The following GOLPH3L variants were observed in gnomAD, a reference collection of about 807,000 sequenced individuals.
GOLPH3L encodes the protein golgi phosphoprotein 3 like.
Under a neutral mutation model 30.3 loss-of-function variants are expected in GOLPH3L, and 22 were observed. The ratio of observed to expected loss-of-function variants is 0.73; its 90% CI spans 0.52 to 1.04. GOLPH3L has a LOEUF of 1.04. Among genes scored for constraint, GOLPH3L ranks in the 50% least tolerant of loss-of-function variants. The probability of loss-of-function intolerance (pLI) is 0.00; values close to 1 mark genes in which losing one functional copy is unlikely to be tolerated. For missense variants in GOLPH3L, 303 were observed against 345.8 expected (o/e 0.88, Z 0.98); for synonymous variants, 120 against 128.2 (o/e 0.94, Z 0.43).
chr1:150,653,483 A>G lies in GOLPH3L; in HGVS notation c.431-4735T>C, dbSNP rs201326018. Among the ~76,000 whole-genome samples the G allele has an allele frequency of 2.4e-5, 3 of 126,552 alleles. No homozygotes were observed. In the East Asian group the frequency reaches 6.7e-4, roughly 28 times the overall value. The allele number at this position is 126,552 out of a possible 152,430, so 83.0% of individuals were successfully genotyped here. On this transcript the variant is annotated intron_variant, in intron 4 of 4. Transcript: ENST00000271732. ...TTTTTTTTTTTTTTTTTTTTTGGAG[A>G]CAGGGTCTTGCTTTGTTGCCAGGCT...
intron 4 of GOLPH3L, among the ~76,000 whole-genome samples, chr1:150,656,816 G>A (rs1650250566): frequency 6.6e-6 from 1 of 152,080 alleles, no homozygotes; most frequent in South Asian, 2.1e-4. Context: ...CTAACTTTGT[G>A]GGTATTCTCG....
intron 4 of GOLPH3L, among the ~76,000 whole-genome samples, chr1:150,655,400 AC>A (rs1650216724): frequency 1.3e-5 from 2 of 152,182 alleles, no homozygotes; most frequent in African/African-American, 2.4e-5. Context: ...ATTTATTACA[AC>A]AATGGGGAGC....
chr1:150,678,707 G>A (rs1048699351), intron 2 of GOLPH3L, among the ~76,000 whole-genome samples: 13 of 152,116 alleles, frequency 8.5e-5, no homozygotes, highest in African/African-American at 2.7e-4. Context: ...GGCGGGGTGC[G>A]GTGGCTCATG....
At chr1:150,670,468 G>A (rs1415460016) in intron 2 of GOLPH3L, among the ~76,000 whole-genome samples, 2 of 151,658 alleles carry the variant, frequency 1.3e-5, no homozygotes, top group Non-Finnish European at 2.9e-5. Flanking sequence ...GTGGTGGCGG[G>A]TGCCTGTAGT....
intron 4 of GOLPH3L, among the ~76,000 whole-genome samples, chr1:150,655,264 T>C (rs1319242219): frequency 6.6e-6 from 1 of 152,132 alleles, no homozygotes; most frequent in East Asian, 1.9e-4. Context: ...TTTAACATAG[T>C]TGGAGTTGGT....
chr1:150,658,132 C>T (rs1359029785), intron 4 of GOLPH3L, among the ~76,000 whole-genome samples: 1 of 152,208 alleles, frequency 6.6e-6, no homozygotes, highest in East Asian at 1.9e-4. Context: ...CCGGGAGGAT[C>T]CCGAGGACCC....
intron 4 of GOLPH3L, among the ~76,000 whole-genome samples, chr1:150,658,823 G>A (rs986406400): frequency 1.3e-5 from 2 of 152,180 alleles, no homozygotes; most frequent in Admixed American, 6.5e-5. Context: ...GATATGGCCC[G>A]CTGTAGGAGC....
intron 2 of GOLPH3L, among the ~76,000 whole-genome samples, chr1:150,674,962 C>T (rs1343651452): frequency 6.6e-6 from 1 of 152,092 alleles, no homozygotes; most frequent in East Asian, 1.9e-4. Flanking sequence ...ACAATCATGG[C>T]TCACTGCAGC....
At chr1:150,696,528 G>A (rs1285881258) in intron 1 of GOLPH3L, among the ~76,000 whole-genome samples, 1 of 152,054 alleles carries the variant, frequency 6.6e-6, no homozygotes, top group Non-Finnish European at 1.5e-5. Context: ...CATTGTTATT[G>A]CTCGATAAAT....
At position 150,694,834 on chromosome 1, in the gene GOLPH3L, G is replaced by T; in HGVS notation, c.5C>A (p.Thr2Asn). Residue 2 changes from threonine to asparagine, a missense_variant, in exon 2 of 5, where the codon ACC becomes AAC. Coordinates refer to ENST00000271732, the MANE Select transcript of GOLPH3L (RefSeq NM_018178.6). M[T>N]TLTHRARRTE... ...GCGACGGGCCCGGTGAGTTAAAGTG[G>T]TCATTCTCACCTGTTTCTGGAGGGA... 6.3e-7 allele frequency: 1 copy of T among 1,599,646 alleles called. No individual in the cohort carries two copies. The highest frequency in any genetic ancestry group is 8.5e-7 in the Non-Finnish European group (1 of 1,173,780).
intron 2 of GOLPH3L, among the ~76,000 whole-genome samples, chr1:150,669,741 C>T (rs1650598991): frequency 6.6e-6 from 1 of 152,092 alleles, no homozygotes; most frequent in African/African-American, 2.4e-5. Flanking sequence ...GCGGGTGGAT[C>T]ACCTGAGGTT....
intron 2 of GOLPH3L, among the ~76,000 whole-genome samples, chr1:150,676,834 G>A (rs1650791686): frequency 1.3e-5 from 2 of 151,762 alleles, no homozygotes; most frequent in Non-Finnish European, 2.9e-5. Context: ...AGTAGAGACT[G>A]GGTTTCACCA....
At chr1:150,675,733 G>A (rs1441021993) in intron 2 of GOLPH3L, among the ~76,000 whole-genome samples, 1 of 130,910 alleles carries the variant, frequency 7.6e-6, no homozygotes, top group Non-Finnish European at 1.5e-5. Flanking sequence ...CCAAGCTCGC[G>A]CCACTACACC....
chr1:150,697,073 AC>A lies in GOLPH3L; in HGVS notation c.-95del. On this transcript the variant is annotated 5_prime_UTR_variant, in exon 1 of 5. Transcript: ENST00000271732. Reference sequence around the variant, plus strand: ...GAAGGACACCTGTTCTCCCCACCCCACCCCCGTCCTAGTAGGTGAAAAACTT... The same window carrying A: ...GAAGGACACCTGTTCTCCCCACCCCACCCCGTCCTAGTAGGTGAAAAACTT... 6.8e-6 allele frequency: 1 copy of A among 146,568 alleles called. No individual in the cohort carries two copies. The highest frequency in any genetic ancestry group is 1.5e-5 in the Non-Finnish European group (1 of 66,332). 9.1% of individuals were successfully genotyped at this position (146,568 alleles called of 1,614,324 possible).
chr1:150,677,519 G>GT (rs1342482899), intron 2 of GOLPH3L, among the ~76,000 whole-genome samples: 1 of 151,022 alleles, frequency 6.6e-6, no homozygotes, highest in Admixed American at 6.6e-5. Context: ...GATTACAGGC[G>GT]TGAGCCACCA....
At chr1:150,691,323 C>T (rs950742366) in intron 2 of GOLPH3L, among the ~76,000 whole-genome samples, 3 of 152,142 alleles carry the variant, frequency 2.0e-5, no homozygotes, top group African/African-American at 7.2e-5. Flanking sequence ...CAAGACCAGC[C>T]TGACCAATAT....
At chr1:150,685,802 C>T (rs587665502) in intron 2 of GOLPH3L, among the ~76,000 whole-genome samples, 8 of 151,416 alleles carry the variant, frequency 5.3e-5, no homozygotes, top group Non-Finnish European at 8.8e-5. Context: ...AAACAGTTAA[C>T]GATCCTGAAC....
chr1:150,669,805 T>C (rs1456940566), intron 2 of GOLPH3L, among the ~76,000 whole-genome samples: 2 of 146,856 alleles, frequency 1.4e-5, no homozygotes, highest in Non-Finnish European at 3.0e-5. Flanking sequence ...CTACTAAAAA[T>C]ACAAAAATTA....
At chr1:150,661,026 G>C (rs190311917) in intron 4 of GOLPH3L, among the ~76,000 whole-genome samples, 1 of 152,102 alleles carries the variant, frequency 6.6e-6, no homozygotes, top group Admixed American at 6.6e-5. Context: ...TCAAGAGTTC[G>C]AGACAAGCCT....
Sources: allele counts gnomAD v4.1 joint callset (sites outside exome capture counted in the v4.1 genomes callset), GRCh38; gene constraint gnomAD v4.1.1; transcripts MANE v1.5; gene names NCBI Gene and HGNC (gene_info 2026-07-23, HGNC 2026-07-21).